CLSTN2: variants seen among roughly 807,000 people sequenced by gnomAD.
CLSTN2 encodes the protein calsyntenin-2.
Under a neutral mutation model 101.2 loss-of-function variants are expected in CLSTN2, and 48 were observed. The ratio of observed to expected loss-of-function variants is 0.47; its 90% CI spans 0.38 to 0.60. The LOEUF (loss-of-function observed/expected upper bound fraction) is 0.60. CLSTN2 is among the 20% of genes least tolerant of loss of function. The pLI is 0.00. For synonymous variants in CLSTN2, 481 were observed against 463.6 expected (o/e 1.04, Z -0.48); for missense variants, 1,160 against 1,238.2 (o/e 0.94, Z 0.95).
chr3:140,039,244 T>A (rs1477700722), intron 1 of CLSTN2, among the ~76,000 whole-genome samples: 1 of 152,226 alleles, frequency 6.6e-6, no homozygotes, highest in African/African-American at 2.4e-5. Flanking sequence ...ATCTGATTAT[T>A]ACTTTAAAAT....
chr3:140,122,594 A>G (rs1279545084), intron 1 of CLSTN2, among the ~76,000 whole-genome samples: 1 of 152,162 alleles, frequency 6.6e-6, no homozygotes, highest in Admixed American at 6.5e-5. Flanking sequence ...AATGGGCTGG[A>G]AATGCAATAT....
intron 2 of CLSTN2, among the ~76,000 whole-genome samples, chr3:140,214,613 C>A (rs2010899065): frequency 6.6e-6 from 1 of 152,182 alleles, no homozygotes; most frequent in Non-Finnish European, 1.5e-5. Flanking sequence ...CAACATCTTT[C>A]TAACACATCT....
At chr3:140,021,359 C>T (rs558396437) in intron 1 of CLSTN2, among the ~76,000 whole-genome samples, 1 of 152,320 alleles carries the variant, frequency 6.6e-6, no homozygotes, top group African/African-American at 2.4e-5. Context: ...AGTTATGTGC[C>T]AGTGATGGAC....
chr3:140,535,154 A>G (rs1935333667), intron 9 of CLSTN2, among the ~76,000 whole-genome samples: 1 of 152,230 alleles, frequency 6.6e-6, no homozygotes, highest in African/African-American at 2.4e-5. Context: ...ACGTGCACAC[A>G]TACCATACAA....
At chr3:140,392,741 A>C (rs1369841231) in intron 2 of CLSTN2, among the ~76,000 whole-genome samples, 3 of 152,174 alleles carry the variant, frequency 2.0e-5, no homozygotes, top group African/African-American at 7.2e-5. Context: ...AGAAGGAAGC[A>C]GAGGAAAAAA....
chr3:140,537,292 T>G (rs1935378263), intron 9 of CLSTN2, among the ~76,000 whole-genome samples: 1 of 152,240 alleles, frequency 6.6e-6, no homozygotes, highest in African/African-American at 2.4e-5. Context: ...GTCAGTGTTC[T>G]GCAGCCCTAA....
intron 9 of CLSTN2, among the ~76,000 whole-genome samples, chr3:140,544,403 G>A (rs1177798955): frequency 6.6e-6 from 1 of 152,162 alleles, no homozygotes; most frequent in African/African-American, 2.4e-5. Flanking sequence ...CAAGAGGAGT[G>A]TGCAAGAGGC....
chr3:140,487,562 T>C (rs1395133143), intron 8 of CLSTN2, among the ~76,000 whole-genome samples: 1 of 152,230 alleles, frequency 6.6e-6, no homozygotes, highest in Non-Finnish European at 1.5e-5. Context: ...ACTATTCCTA[T>C]GCTAGACCCC....
chr3:140,070,298 T>A (rs1469433076), intron 1 of CLSTN2, among the ~76,000 whole-genome samples: 1 of 152,226 alleles, frequency 6.6e-6, no homozygotes, highest in African/African-American at 2.4e-5. Flanking sequence ...TTTTCACAAA[T>A]GTTGCATACA....
At chr3:140,341,774 A>G (rs2087495789) in intron 2 of CLSTN2, among the ~76,000 whole-genome samples, 1 of 152,206 alleles carries the variant, frequency 6.6e-6, no homozygotes, top group South Asian at 2.1e-4. Context: ...AGCTTTTACT[A>G]CAGTTACAAT....
intron 1 of CLSTN2, among the ~76,000 whole-genome samples, chr3:140,032,539 A>G (rs1895856): frequency 0.99 from 151,522 of 152,284 alleles, 75,388 homozygotes; most frequent in Middle Eastern, 1. Context: ...GTTTTGCCAT[A>G]TTGGCCAGGC....
intron 1 of CLSTN2, among the ~76,000 whole-genome samples, chr3:140,049,215 C>T (rs2007940995): frequency 1.3e-5 from 2 of 152,236 alleles, no homozygotes; most frequent in South Asian, 4.1e-4. Context: ...TCACGTCTTT[C>T]CCCTTTGGGT....
intron 1 of CLSTN2, among the ~76,000 whole-genome samples, chr3:140,112,997 A>T (rs1472314774): frequency 6.6e-6 from 1 of 152,058 alleles, no homozygotes; most frequent in African/African-American, 2.4e-5. Flanking sequence ...ACATGCCAGA[A>T]CCATCCTTCT....
At chr3:140,494,209 C>A (rs962212360) in intron 8 of CLSTN2, among the ~76,000 whole-genome samples, 3 of 152,148 alleles carry the variant, frequency 2.0e-5, no homozygotes, top group Non-Finnish European at 2.9e-5. Context: ...GGGTGCAAAG[C>A]ATATACACCT....
intron 1 of CLSTN2, among the ~76,000 whole-genome samples, chr3:140,023,809 C>A (rs1257229430): frequency 6.6e-6 from 1 of 152,214 alleles, no homozygotes; most frequent in African/African-American, 2.4e-5. Context: ...CCAGGCGCTG[C>A]TGCTTCTTGG....
chr3:140,056,049 A>G (rs570787108), intron 1 of CLSTN2, among the ~76,000 whole-genome samples: 2 of 152,262 alleles, frequency 1.3e-5, no homozygotes, highest in South Asian at 4.1e-4. Context: ...CCACAAAAGG[A>G]TGGGAGAGGG....
chr3:140,248,282 G>T (rs56164954), intron 2 of CLSTN2, among the ~76,000 whole-genome samples: 6,833 of 152,274 alleles, frequency 0.045, 319 homozygotes, highest in African/African-American at 0.12. Context: ...ATACTGCTTA[G>T]GGACCCCATG....
intron 2 of CLSTN2, among the ~76,000 whole-genome samples, chr3:140,398,654 C>T (rs1274122173): frequency 1.3e-5 from 2 of 152,240 alleles, no homozygotes; most frequent in East Asian, 3.9e-4. Context: ...ACCGTAGATG[C>T]CAAGATTTTA....
chr3:140,061,587 C>T (rs1180483485), intron 1 of CLSTN2, among the ~76,000 whole-genome samples: 1 of 152,204 alleles, frequency 6.6e-6, no homozygotes, highest in Non-Finnish European at 1.5e-5. Flanking sequence ...CTCCTCTGGC[C>T]TGGAGTCCCC....
Sources: allele counts gnomAD v4.1 joint callset (sites outside exome capture counted in the v4.1 genomes callset), GRCh38; gene constraint gnomAD v4.1.1; transcripts MANE v1.5; gene names NCBI Gene and HGNC (gene_info 2026-07-23, HGNC 2026-07-21).